The following ORC4 variants were observed in gnomAD, a reference collection of about 807,000 sequenced individuals.
The protein encoded by ORC4 is origin recognition complex, subunit 4 homolog.
Under a neutral mutation model 63.9 loss-of-function variants are expected in ORC4, and 55 were observed. That is an observed-to-expected ratio of 0.86 (90% CI 0.69 to 1.08). The LOEUF is 1.08. Ranked by LOEUF, ORC4 falls within the 50% of genes least tolerant of loss-of-function variation. The probability of loss-of-function intolerance (pLI) is 0.00; values close to 1 mark genes in which losing one functional copy is unlikely to be tolerated. For synonymous variants in ORC4, 150 were observed against 168.5 expected (o/e 0.89, Z 0.85); for missense variants, 511 against 504.4 (o/e 1.01, Z -0.13).
rs146024621 is a variant in ORC4, at chr2:147,935,875, TATC to T, written c.1123-180_1123-178del. On this transcript the variant is annotated intron_variant, in intron 13 of 13. Coordinates refer to ENST00000392857, the MANE Select transcript of ORC4 (RefSeq NM_181741.4). Reference sequence around the variant, plus strand: ...CTCACAACCCCATGAAAACTCATATTATCAGGTAAAACAGTGTCAGTGCACACT... The same window carrying T: ...CTCACAACCCCATGAAAACTCATATTAGGTAAAACAGTGTCAGTGCACACT... 7.2e-5 allele frequency among the ~76,000 whole-genome samples: 11 copies of T among 152,278 alleles called. No individual in the cohort carries two copies. In the East Asian group the frequency reaches 1.9e-3, roughly 27 times the overall value.
chr2:147,942,254 T>C (rs1289866763), intron 10 of ORC4, among the ~76,000 whole-genome samples: 3 of 152,096 alleles, frequency 2.0e-5, no homozygotes, highest in South Asian at 4.1e-4. Context: ...CAAAACTATC[T>C]TGTCTTTCAA....
intron 1 of ORC4, among the ~76,000 whole-genome samples, chr2:147,989,451 A>G (rs372436844): frequency 6.6e-6 from 1 of 152,202 alleles, no homozygotes; most frequent in African/African-American, 2.4e-5. Context: ...CACACCTGTT[A>G]TACCAGCACT....
chr2:147,938,715 T>C lies in ORC4; in HGVS notation c.959-322A>G. 8.6e-6 allele frequency: 3 copies of C among 347,466 alleles called. No homozygotes were observed. In the South Asian group the frequency reaches 9.1e-5, roughly 11 times the overall value. 21.5% of individuals were successfully genotyped at this position (347,466 alleles called of 1,614,324 possible). The stretch of plus-strand genomic sequence containing the variant: ...ACTTCAATTGTTATGTGACTTTAAA[T>C]CACACAGGGCCTTTGCGTAGGATTT... On this transcript the variant is annotated intron_variant, in intron 11 of 13. Coordinates refer to ENST00000392857, the MANE Select transcript of ORC4 (RefSeq NM_181741.4).
intron 1 of ORC4, among the ~76,000 whole-genome samples, chr2:148,005,546 T>A (rs1692571225): frequency 6.7e-6 from 1 of 149,348 alleles, no homozygotes; most frequent in African/African-American, 2.5e-5. Flanking sequence ...AAAAGAAAAA[T>A]TTAAAATAGA....
chr2:147,952,453 G>C lies in ORC4; in HGVS notation c.508C>G (p.Gln170Glu), dbSNP rs1483216849. ...EFDLFAHHKN[Q>E]TLLYNLFDIS... ...TCAAAAAGATTATAGAGAAGTGTTT[G>C]GTTTTTATGATGAGCAAAAAGATCA... Residue 170 changes from glutamine to glutamate, a missense_variant, in exon 8 of 14, where the codon CAA becomes GAA. By Grantham distance (29) the Gln-to-Glu change is conservative. Transcript: ENST00000392857. 6.2e-7 allele frequency: 1 copy of C among 1,609,174 alleles called. No individual in the cohort carries two copies. Among genetic ancestry groups the C allele is most frequent in the African/African-American group, 1.3e-5 (1 of 74,890 alleles).
intron 1 of ORC4, among the ~76,000 whole-genome samples, chr2:148,015,307 A>ATTTTTTTTTTTT (rs1158861758): frequency 1.1e-5 from 1 of 92,290 alleles, no homozygotes; most frequent in Non-Finnish European, 2.1e-5. Context: ...TGATATTGGA[A>ATTTTTTTTTTTT]TTTTTTTTTT....
In ORC4 at chr2:147,938,151, TGAC is replaced by T; in HGVS notation, c.1114_1116del (p.Val372del). ...GACAGCAAACTAAATCTTACCTTCATGACAACAGGTTTTTCAAAATTATAAACG... is the reference window on the plus strand; with the variant it reads ...GACAGCAAACTAAATCTTACCTTCATAACAGGTTTTTCAAAATTATAAACG... On this transcript the variant is annotated inframe_deletion, in exon 13 of 14. Coordinates refer to ENST00000392857, the MANE Select transcript of ORC4 (RefSeq NM_181741.4). 2 of 1,606,440 alleles carry T rather than the reference TGAC, an allele frequency of 1.2e-6. No individual in the cohort carries two copies. Among genetic ancestry groups the T allele is most frequent in the South Asian group, 2.2e-5 (2 of 90,912 alleles).
rs571058581 is a variant in ORC4 at position 148,004,471 on chromosome 2, A to C, written c.-18+16162T>G. 2.0e-5 allele frequency among the ~76,000 whole-genome samples: 3 copies of C among 152,260 alleles called. No individual in the cohort carries two copies. In the East Asian group the frequency reaches 5.8e-4, roughly 29 times the overall value. ...AGAAATAACACCATACATCAACAAC[A>C]ACCATCTGATCTTTGAAAAACCTGA... is the stretch of plus-strand genomic sequence containing the variant. On this transcript the variant is annotated intron_variant, in intron 1 of 13. Transcript: ENST00000392857.
At position 147,935,251 on chromosome 2, in the gene ORC4, C is replaced by T. The variant is rs1244434152; in HGVS notation, c.*259G>A. ...ATTATATATATAAGTGTTAAAAAAG[C>T]ACATGGTCTAGTCCCTAAAACAGTC... On this transcript the variant is annotated 3_prime_UTR_variant, in exon 14 of 14. Coordinates refer to ENST00000392857, the MANE Select transcript of ORC4 (RefSeq NM_181741.4). The T allele has an allele frequency of 2.1e-6, 1 of 473,172 alleles. No individual in the cohort carries two copies. Among genetic ancestry groups the T allele is most frequent in the African/African-American group, 2.0e-5 (1 of 50,976 alleles). 29.3% of individuals were successfully genotyped at this position (473,172 alleles called of 1,614,324 possible).
chr2:147,993,950 C>A (rs554565152), intron 1 of ORC4, among the ~76,000 whole-genome samples: 1 of 152,024 alleles, frequency 6.6e-6, no homozygotes, highest in Non-Finnish European at 1.5e-5. Context: ...TGATTATGCA[C>A]GTAGAAAATC....
rs2307394 is a variant in ORC4, at chr2:147,958,859, T to C, written c.233A>G (p.Asn78Ser). 0.31 allele frequency: 394,790 copies of C among 1,254,158 alleles called. 64,339 individuals carry two copies. The highest frequency in any genetic ancestry group is 0.51 in the East Asian group (21,545 of 42,646). The allele number at this position is 1,254,158 out of a possible 1,614,324, so 77.7% of individuals were successfully genotyped here. A position where few individuals can be genotyped will look rare whatever the true frequency, so the allele number is the denominator to read the frequency against. ...PRGSGKTMLI[N>S]HALKELMEIE... ...TTCCATGAGTTCTTTCAAAGCATGA[T>C]TTATTAACTAAATATGAAAAGTTTA... The change falls in exon 5 of 14, where the codon AAT becomes AGT. Residue 78 changes from asparagine (N) to serine (S), a missense_variant. Physicochemically the swap from Asn to Ser is conservative, Grantham distance 46. Transcript: ENST00000392857.
At chr2:147,976,435 A>T (rs1222571099) in intron 1 of ORC4, among the ~76,000 whole-genome samples, 2 of 152,150 alleles carry the variant, frequency 1.3e-5, no homozygotes, top group African/African-American at 4.8e-5. Flanking sequence ...GTTTTGGGTG[A>T]TTCACTTTAT....
At chr2:147,998,720 C>A (rs1319490588) in intron 1 of ORC4, among the ~76,000 whole-genome samples, 3 of 152,052 alleles carry the variant, frequency 2.0e-5, no homozygotes, top group African/African-American at 7.2e-5. Context: ...CAGACTAAGG[C>A]AGGTCAAAAT....
chr2:147,969,971 C>A (rs1362756673), intron 4 of ORC4, among the ~76,000 whole-genome samples: 2 of 151,774 alleles, frequency 1.3e-5, no homozygotes, highest in African/African-American at 4.8e-5. Context: ...TCTCAAAGAA[C>A]TGACAAAAAA....
intron 10 of ORC4, among the ~76,000 whole-genome samples, chr2:147,939,719 A>AT (rs1488408470): frequency 6.6e-6 from 1 of 152,128 alleles, no homozygotes; most frequent in Admixed American, 6.6e-5. Flanking sequence ...AGAAAAGAAA[A>AT]TAGCACATTT....
intron 1 of ORC4, among the ~76,000 whole-genome samples, chr2:147,998,644 G>A (rs763440984): frequency 2.0e-5 from 3 of 152,142 alleles, no homozygotes; most frequent in Non-Finnish European, 2.9e-5. Context: ...GCAGAACTGT[G>A]AGCTATAAAA....
At chr2:148,015,538 T>C (rs1251056523) in intron 1 of ORC4, among the ~76,000 whole-genome samples, 1 of 151,874 alleles carries the variant, frequency 6.6e-6, no homozygotes, top group Admixed American at 6.6e-5. Context: ...ATGGTATCGA[T>C]CTCCTGACCT....
At chr2:147,991,249 T>C (rs549975677) in intron 1 of ORC4, among the ~76,000 whole-genome samples, 1 of 152,052 alleles carries the variant, frequency 6.6e-6, no homozygotes, top group Non-Finnish European at 1.5e-5. Flanking sequence ...GGTTTCACCA[T>C]ATTGGCCAGG....
chr2:147,958,855 A>T lies in ORC4; in HGVS notation c.237T>A (p.His79Gln). Residue 79 changes from histidine (H) to glutamine (Q), a missense_variant, in exon 5 of 14, where the codon CAT becomes CAA. Coordinates refer to ENST00000392857, the MANE Select transcript of ORC4 (RefSeq NM_181741.4). Reference sequence around the variant, plus strand: ...CTATTTCCATGAGTTCTTTCAAAGCATGATTTATTAACTAAATATGAAAAG... The same window carrying T: ...CTATTTCCATGAGTTCTTTCAAAGCTTGATTTATTAACTAAATATGAAAAG... ...RGSGKTMLIN[H>Q]ALKELMEIEE... 1 of 1,305,048 alleles carries T rather than the reference A, an allele frequency of 7.7e-7. No homozygotes were observed. Among genetic ancestry groups the T allele is most frequent in the South Asian group, 1.2e-5 (1 of 83,366 alleles). 80.8% of individuals were successfully genotyped at this position (1,305,048 alleles called of 1,614,324 possible).
Sources: gnomAD v4.1 joint callset for allele counts (sites outside exome capture counted in the v4.1 genomes callset) on GRCh38, gnomAD v4.1.1 for gene constraint, MANE v1.5 for transcripts, NCBI Gene and HGNC (gene_info 2026-07-23, HGNC 2026-07-21) for gene names.